The following PDE4B variants were observed in gnomAD, a reference collection of about 807,000 sequenced individuals.
PDE4B encodes the protein 3',5'-cyclic-AMP phosphodiesterase 4B.
A neutral mutation model predicts 82.2 loss-of-function variants in PDE4B; 20 were observed. The ratio of observed to expected loss-of-function variants is 0.24; its 90% CI spans 0.17 to 0.35. The LOEUF is 0.35. Among genes scored for constraint, PDE4B ranks in the 10% least tolerant of loss-of-function variants. The pLI is 1.00. For missense variants in PDE4B, 655 were observed against 907.2 expected (o/e 0.72, Z 3.57); for synonymous variants, 320 against 318.9 (o/e 1.00, Z -0.04).
intron 1 of PDE4B, among the ~76,000 whole-genome samples, chr1:65,874,598 A>C (rs1646616388): frequency 6.6e-6 from 1 of 152,238 alleles, no homozygotes; most frequent in Admixed American, 6.5e-5. Flanking sequence ...CAAAACAGAG[A>C]TATAGATCAA....
chr1:65,812,915 A>AG (rs1645836187), intron 1 of PDE4B, among the ~76,000 whole-genome samples: 1 of 152,222 alleles, frequency 6.6e-6, no homozygotes, highest in South Asian at 2.1e-4. Context: ...GGTCCTAGAC[A>AG]GCCCTGGAAA....
intron 1 of PDE4B, among the ~76,000 whole-genome samples, chr1:65,805,886 A>G (rs759636296): frequency 2.0e-4 from 31 of 152,094 alleles, no homozygotes; most frequent in Non-Finnish European, 4.1e-4. Flanking sequence ...GCTTTTTAAC[A>G]TCATCTCATT....
intron 3 of PDE4B, among the ~76,000 whole-genome samples, chr1:66,179,136 C>A (rs1647006815): frequency 6.6e-6 from 1 of 152,176 alleles, no homozygotes; most frequent in African/African-American, 2.4e-5. Flanking sequence ...CAGGCGTGAG[C>A]CACCATGCCC....
chr1:66,290,997 G>A (rs901158088), intron 7 of PDE4B, among the ~76,000 whole-genome samples: 1 of 152,104 alleles, frequency 6.6e-6, no homozygotes, highest in Non-Finnish European at 1.5e-5. Context: ...TCAGTGACCA[G>A]GGTACCTCCT....
intron 7 of PDE4B, among the ~76,000 whole-genome samples, chr1:66,284,760 G>A (rs549492155): frequency 1.3e-5 from 2 of 152,210 alleles, no homozygotes; most frequent in Admixed American, 6.5e-5. Context: ...AGAAAGGATA[G>A]GGTGTAGGGA....
chr1:65,819,262 A>G (rs1000615098), intron 1 of PDE4B, among the ~76,000 whole-genome samples: 9 of 152,156 alleles, frequency 5.9e-5, no homozygotes, highest in African/African-American at 1.9e-4. Flanking sequence ...ATAATCTATC[A>G]TAGATAACCC....
chr1:65,924,430 A>T (rs1227095759), intron 3 of PDE4B, among the ~76,000 whole-genome samples: 1 of 151,168 alleles, frequency 6.6e-6, no homozygotes, highest in African/African-American at 2.4e-5. Flanking sequence ...ATATTTTTTT[A>T]ATTTTGATTA....
intron 3 of PDE4B, among the ~76,000 whole-genome samples, chr1:66,232,716 T>G (rs545798277): frequency 4.6e-5 from 7 of 152,302 alleles, no homozygotes; most frequent in African/African-American, 1.4e-4. Context: ...CAAATATTCC[T>G]GATATTTGAG....
At chr1:66,295,002 T>C (rs1657398998) in intron 7 of PDE4B, among the ~76,000 whole-genome samples, 1 of 152,186 alleles carries the variant, frequency 6.6e-6, no homozygotes, top group African/African-American at 2.4e-5. Flanking sequence ...TCATTTTGTG[T>C]GTATATTTTC....
chr1:66,187,892 G>T (rs1647324476), intron 3 of PDE4B, among the ~76,000 whole-genome samples: 1 of 151,500 alleles, frequency 6.6e-6, no homozygotes, highest in African/African-American at 2.4e-5. Flanking sequence ...GAAAGTGTTT[G>T]CTCTTGCTTT....
chr1:65,907,258 T>C (rs1481423122), intron 1 of PDE4B, among the ~76,000 whole-genome samples: 3 of 152,178 alleles, frequency 2.0e-5, no homozygotes, highest in Non-Finnish European at 4.4e-5. Context: ...AAGAGAGCAG[T>C]AGATGCAAAT....
At chr1:65,796,534 A>G (rs911791604) in intron 1 of PDE4B, among the ~76,000 whole-genome samples, 3 of 149,650 alleles carry the variant, frequency 2.0e-5, no homozygotes, top group Non-Finnish European at 3.0e-5. Flanking sequence ...TTTGATTACT[A>G]TATTTTTCAA....
chr1:66,298,807 G>C (rs549453851), intron 7 of PDE4B, among the ~76,000 whole-genome samples: 1 of 152,200 alleles, frequency 6.6e-6, no homozygotes, highest in African/African-American at 2.4e-5. Flanking sequence ...ACCCTGAAAG[G>C]TTCCTCTGAG....
At chr1:66,064,932 A>G (rs926323460) in intron 3 of PDE4B, among the ~76,000 whole-genome samples, 3 of 151,938 alleles carry the variant, frequency 2.0e-5, no homozygotes, top group African/African-American at 7.2e-5. Context: ...TTCTCATTTT[A>G]TAACTCTGCA....
chr1:66,204,788 G>A (rs894672516), intron 3 of PDE4B, among the ~76,000 whole-genome samples: 1 of 152,220 alleles, frequency 6.6e-6, no homozygotes, highest in African/African-American at 2.4e-5. Flanking sequence ...CTGACCCCTT[G>A]CACTTCCAGA....
chr1:66,038,703 A>T (rs1325373726), intron 3 of PDE4B, among the ~76,000 whole-genome samples: 1 of 152,090 alleles, frequency 6.6e-6, no homozygotes, highest in Non-Finnish European at 1.5e-5. Flanking sequence ...GCTCTTGAAC[A>T]GGGAGGAAAC....
chr1:66,145,462 G>A (rs1646250590), intron 3 of PDE4B, among the ~76,000 whole-genome samples: 2 of 152,178 alleles, frequency 1.3e-5, no homozygotes, highest in Non-Finnish European at 2.9e-5. Context: ...TTTACAAATA[G>A]GTGGATAAAA....
intron 3 of PDE4B, among the ~76,000 whole-genome samples, chr1:66,235,097 C>T (rs74873498): frequency 0.051 from 7,769 of 152,138 alleles, 377 homozygotes; most frequent in East Asian, 0.24. Context: ...AGTTTAATTC[C>T]GCTCTGATCA....
intron 3 of PDE4B, among the ~76,000 whole-genome samples, chr1:66,017,069 G>T (rs1306790617): frequency 1.3e-5 from 2 of 152,102 alleles, no homozygotes; most frequent in African/African-American, 4.8e-5. Context: ...AGGGCTGGAG[G>T]GTAGTTCTCT....
Sources: allele counts gnomAD v4.1 joint callset (sites outside exome capture counted in the v4.1 genomes callset), GRCh38; gene constraint gnomAD v4.1.1; transcripts MANE v1.5; gene names NCBI Gene and HGNC (gene_info 2026-07-23, HGNC 2026-07-21).